The following GALNT13 variants were observed in gnomAD, a reference collection of about 807,000 sequenced individuals.
GALNT13 encodes UDP-GalNAc:polypeptide N-acetylgalactosaminyltransferase 13.
A neutral mutation model predicts 64.2 loss-of-function variants in GALNT13; 28 were observed. The ratio of observed to expected loss-of-function variants is 0.44; its 90% confidence interval spans 0.32 to 0.60. The LOEUF is 0.60. GALNT13 is among the 20% of genes least tolerant of loss of function. The pLI, the probability that GALNT13 is intolerant of heterozygous loss-of-function variation, is 0.05. For synonymous variants in GALNT13, 214 were observed against 224.6 expected (o/e 0.95, Z 0.42); for missense variants, 577 against 669.8 (o/e 0.86, Z 1.53).
intron 3 of GALNT13, among the ~76,000 whole-genome samples, chr2:154,022,713 T>G (rs576194502): frequency 6.6e-6 from 1 of 152,352 alleles, no homozygotes; most frequent in South Asian, 2.1e-4. Context: ...TGCTCTGATC[T>G]TAGTTATTTC....
At chr2:153,667,401 A>C in the GALNT13 span, among the ~76,000 whole-genome samples, 1 of 152,200 alleles carries the variant, frequency 6.6e-6, no homozygotes, top group Non-Finnish European at 1.5e-5. Context: ...CTATAAAGGG[A>C]ACCACACAAG....
At chr2:153,378,540 C>A in the GALNT13 span, among the ~76,000 whole-genome samples, 1 of 152,122 alleles carries the variant, frequency 6.6e-6, no homozygotes, top group Non-Finnish European at 1.5e-5. Flanking sequence ...CCGTAGGTCA[C>A]TTAAATTCAA....
intron 9 of GALNT13, among the ~76,000 whole-genome samples, chr2:154,388,642 G>A (rs115471028): frequency 2.2e-4 from 33 of 152,054 alleles, no homozygotes; most frequent in Non-Finnish European, 4.0e-4. Flanking sequence ...TTACAATTTG[G>A]TATTTAGATG....
rs190369587 is a variant in GALNT13, at chr2:154,405,920, A to G, written c.1297-3064A>G. Among the ~76,000 whole-genome samples, 1,125 of 152,156 alleles carry G rather than the reference A, an allele frequency of 7.4e-3. 5 individuals carry two copies. The highest frequency in any genetic ancestry group is 0.031 in the Middle Eastern group (9 of 294). ...GATACTTGTAAGAATTAAGAGGGGGAAAATCCCAGATTGTCATCAGAGTTT... is the reference window on the plus strand; with the variant it reads ...GATACTTGTAAGAATTAAGAGGGGGGAAATCCCAGATTGTCATCAGAGTTT... On this transcript the variant is annotated intron_variant, in intron 10 of 12. Transcript: ENST00000392825.
At chr2:154,143,422 A>G (rs1683378755) in intron 4 of GALNT13, among the ~76,000 whole-genome samples, 1 of 152,064 alleles carries the variant, frequency 6.6e-6, no homozygotes, top group Non-Finnish European at 1.5e-5. Flanking sequence ...AAAACTAGGT[A>G]AACACTATTT....
Position 153,936,784 on chromosome 2 carries a change from G to C in GALNT13, c.-104-7610G>C, listed in dbSNP as rs1050965060. Among the ~76,000 whole-genome samples the C allele has an allele frequency of 7.3e-4, 111 of 151,392 alleles. 4 individuals are homozygous for C. The highest frequency in any genetic ancestry group is 2.1e-4 in the Non-Finnish European group (14 of 67,886). On this transcript the variant is annotated intron_variant, in intron 2 of 12. Transcript: ENST00000392825. Reference sequence around the variant, plus strand: ...CACCCAGGCTGGAGTGCAGTGGCATGATCTTGGCTCACTGCCATCTCCACC... The same window carrying C: ...CACCCAGGCTGGAGTGCAGTGGCATCATCTTGGCTCACTGCCATCTCCACC...
the GALNT13 span, among the ~76,000 whole-genome samples, chr2:153,139,325 T>C: frequency 2.6e-4 from 40 of 152,186 alleles, no homozygotes; most frequent in Admixed American, 4.6e-4. Flanking sequence ...TTTGAGCTCC[T>C]GATTTATGCA....
the GALNT13 span, among the ~76,000 whole-genome samples, chr2:153,417,270 A>G: frequency 4.9e-4 from 74 of 152,308 alleles, no homozygotes; most frequent in African/African-American, 1.8e-3. Flanking sequence ...TCATAGAGGT[A>G]CCAAATGAAA....
chr2:153,980,280 T>C (rs565068696), intron 3 of GALNT13, among the ~76,000 whole-genome samples: 1 of 152,256 alleles, frequency 6.6e-6, no homozygotes, highest in Non-Finnish European at 1.5e-5. Context: ...ACAGGGAACC[T>C]TAAACACTAG....
chr2:153,884,294 A>G (rs941629472), intron 1 of GALNT13, among the ~76,000 whole-genome samples: 11 of 151,852 alleles, frequency 7.2e-5, no homozygotes, highest in Non-Finnish European at 4.4e-5. Flanking sequence ...AAATGTGATT[A>G]TGCTTCGATG....
intron 4 of GALNT13, among the ~76,000 whole-genome samples, chr2:154,162,436 A>G (rs1489324306): frequency 6.6e-6 from 1 of 152,222 alleles, no homozygotes; most frequent in African/African-American, 2.4e-5. Flanking sequence ...GTGTCAGAAG[A>G]TTGTGGCCCA....
At chr2:153,082,590 TA>T in the GALNT13 span, among the ~76,000 whole-genome samples, 1 of 33,236 alleles carries the variant, frequency 3.0e-5, no homozygotes, top group Non-Finnish European at 6.0e-5. Context: ...TATATATATA[TA>T]TATATATATA....
chr2:153,176,989 A>G, the GALNT13 span, among the ~76,000 whole-genome samples: 1 of 152,172 alleles, frequency 6.6e-6, no homozygotes, highest in African/African-American at 2.4e-5. Context: ...AGAATTTATA[A>G]GAATTGCACA....
chr2:153,667,464 T>A, the GALNT13 span, among the ~76,000 whole-genome samples: 2 of 152,150 alleles, frequency 1.3e-5, no homozygotes, highest in African/African-American at 4.8e-5. Context: ...AGATTGGAGG[T>A]CTATATTCAG....
At chr2:153,719,246 G>C in the GALNT13 span, among the ~76,000 whole-genome samples, 22 of 152,124 alleles carry the variant, frequency 1.4e-4, no homozygotes, top group Non-Finnish European at 2.6e-4. Context: ...GGAGTTACTA[G>C]CTGTTTGAAT....
the GALNT13 span, among the ~76,000 whole-genome samples, chr2:153,086,037 T>G: frequency 6.6e-6 from 1 of 152,184 alleles, no homozygotes; most frequent in Non-Finnish European, 1.5e-5. Flanking sequence ...ACTTTAATAT[T>G]TAATGACTCC....
intron 3 of GALNT13, among the ~76,000 whole-genome samples, chr2:154,124,194 C>A (rs562309671): frequency 1.9e-4 from 29 of 151,806 alleles, no homozygotes; most frequent in African/African-American, 6.3e-4. Flanking sequence ...TCAGATGAGA[C>A]CAATCTGGTT....
intron 8 of GALNT13, among the ~76,000 whole-genome samples, chr2:154,263,873 T>C (rs756098058): frequency 6.6e-6 from 1 of 152,030 alleles, no homozygotes; most frequent in African/African-American, 2.4e-5. Flanking sequence ...CAAAAATACA[T>C]GAAATAACAC....
intron 4 of GALNT13, among the ~76,000 whole-genome samples, chr2:154,200,727 C>G (rs1488367866): frequency 6.6e-6 from 1 of 152,092 alleles, no homozygotes; most frequent in African/African-American, 2.4e-5. Flanking sequence ...AGCCCTCATA[C>G]CTGATCACCT....
Sources: allele counts gnomAD v4.1 joint callset (sites outside exome capture counted in the v4.1 genomes callset), GRCh38; gene constraint gnomAD v4.1.1; transcripts MANE v1.5; gene names NCBI Gene and HGNC (gene_info 2026-07-23, HGNC 2026-07-21).